The following OAT variants were observed in gnomAD, a reference collection of about 807,000 sequenced individuals.
OAT encodes ornithine aminotransferase, mitochondrial.
In OAT, 35 loss-of-function variants were observed where a neutral mutation model predicts 48.4. That is an observed-to-expected ratio of 0.72 (90% CI 0.55 to 0.96). The LOEUF is 0.96. Among genes scored for constraint, OAT ranks in the 40% least tolerant of loss-of-function variants. OAT has a pLI of 0.00. For synonymous variants in OAT, 182 were observed against 198.4 expected (o/e 0.92, Z 0.70); for missense variants, 438 against 537.9 (o/e 0.81, Z 1.84).
intron 4 of OAT, chr10:124,406,826 G>T: frequency 3.0e-6 from 1 of 329,784 alleles, no homozygotes; most frequent in Non-Finnish European, 4.3e-6. Flanking sequence ...AAAAAAGTTG[G>T]GAAATAGATC....
At chr10:124,403,995 CA>C in intron 5 of OAT, 75 bp from the exon 6 acceptor site, 1 of 1,553,236 alleles carries the variant, frequency 6.4e-7, no homozygotes. Flanking sequence ...ATATACCACA[CA>C]TATTTTACAT....
rs1173250186 is a variant in OAT, at chr10:124,397,457, T to C, written c.*485A>G. On this transcript the variant is annotated 3_prime_UTR_variant, in exon 10 of 10. Coordinates refer to ENST00000368845, the MANE Select transcript of OAT (RefSeq NM_000274.4). The stretch of plus-strand genomic sequence containing the variant: ...CATCCATAGAATACAACCCTGGTGT[T>C]GGCCAATATGAAGTTTACTTAATAT... The C allele has an allele frequency of 1.3e-5, 2 of 154,176 alleles. No individual in the cohort carries two copies. Among genetic ancestry groups the C allele is most frequent in the African/African-American group, 4.8e-5 (2 of 41,476 alleles). 9.6% of individuals were successfully genotyped at this position (154,176 alleles called of 1,614,324 possible). A position where few individuals can be genotyped will look rare whatever the true frequency, so the allele number is the denominator to read the frequency against.
chr10:124,415,418 CCT>C (rs1329326752), intron 1 of OAT, among the ~76,000 whole-genome samples: 2 of 152,098 alleles, frequency 1.3e-5, no homozygotes, highest in African/African-American at 4.8e-5. Context: ...GGCACACACC[CCT>C]GAGTCAGCTA....
rs121965057 is a variant in OAT, at chr10:124,402,930, G to C, written c.897C>G (p.Tyr299Ter). ...AGAGGGGGAACATGAAACTTACAGG[G>C]TATAAGCCCCCAGAAAGGGCCTTTC... ...LLGKALSGGL[Y>*]PVSAVLCDDD... The change falls in exon 7 of 10, where the codon TAC (tyrosine) becomes TAG (stop). Residue 299 changes from tyrosine (Y) to a stop codon, truncating the protein, a stop_gained. Transcript: ENST00000368845. LOFTEE classifies it high-confidence loss of function. The C allele has an allele frequency of 4.8e-5, 78 of 1,613,614 alleles. No individual in the cohort carries two copies. Among genetic ancestry groups the C allele is most frequent in the Non-Finnish European group, 6.5e-5 (77 of 1,179,954 alleles).
intron 6 of OAT, 101 bp downstream of exon 6, chr10:124,403,697 A>T: frequency 6.7e-7 from 1 of 1,498,860 alleles, no homozygotes. Flanking sequence ...CATTTATCCA[A>T]TCAGCAGAAT....
chr10:124,405,691 G>T lies in OAT; in HGVS notation c.521-128C>A, dbSNP rs75286822. 2.8e-4 allele frequency: 422 copies of T among 1,524,688 alleles called. 1 individual carries two copies. In the African/African-American group the frequency reaches 5.4e-3, roughly 20 times the overall value. The allele number at this position is 1,524,688 out of a possible 1,614,324, so 94.4% of individuals were successfully genotyped here. A position where few individuals can be genotyped will look rare whatever the true frequency, so the allele number is the denominator to read the frequency against. The stretch of plus-strand genomic sequence containing the variant: ...AAGGGCTTGCTTTAGTGCACCTTCG[G>T]TGGGCTTTCAATTGTTAAAACAAAG... On this transcript the variant is annotated intron_variant, in intron 4 of 9. Transcript: ENST00000368845.
chr10:124,406,225 T>A, intron 4 of OAT: 1 of 672,234 alleles, frequency 1.5e-6, no homozygotes, highest in Non-Finnish European at 1.8e-6. Flanking sequence ...GCACAGTGGC[T>A]CACTTATGTA....
intron 1 of OAT, among the ~76,000 whole-genome samples, chr10:124,417,159 G>A (rs984540591): frequency 1.3e-5 from 2 of 150,706 alleles, no homozygotes; most frequent in African/African-American, 4.9e-5. Flanking sequence ...TAAGACAGCT[G>A]CTTTGAGGGA....
intron 4 of OAT, among the ~76,000 whole-genome samples, 198 bp downstream of exon 4, chr10:124,408,344 T>TATATATATATA (rs1491272664): frequency 4.9e-5 from 4 of 81,868 alleles, no homozygotes; most frequent in East Asian, 4.8e-4. Flanking sequence ...TATATATATA[T>TATATATATATA]TTTTTTTTTT....
At chr10:124,409,441 T>C (rs1409279891) in intron 2 of OAT, among the ~76,000 whole-genome samples, 2 of 151,900 alleles carry the variant, frequency 1.3e-5, no homozygotes, top group Non-Finnish European at 2.9e-5. Flanking sequence ...TATGGTCCCG[T>C]TACAGAGGCT....
intron 8 of OAT, among the ~76,000 whole-genome samples, chr10:124,401,311 C>A (rs1438040793): frequency 3.9e-5 from 6 of 152,218 alleles, no homozygotes; most frequent in Admixed American, 3.9e-4. Context: ...TCCCCCCTCA[C>A]AAAGATCTGT....
intron 4 of OAT, chr10:124,406,162 G>C: frequency 1.0e-6 from 1 of 964,726 alleles, no homozygotes; most frequent in Non-Finnish European, 1.2e-6. Flanking sequence ...TAATAAAGGT[G>C]ACTGAGGATC....
At position 124,405,446 on chromosome 10, in the gene OAT, G is replaced by A. The variant is rs760896432; in HGVS notation, c.638C>T (p.Pro213Leu). The A allele has an allele frequency of 6.2e-7, 1 of 1,613,870 alleles. No individual in the cohort carries two copies. The highest frequency in any genetic ancestry group is 8.5e-7 in the Non-Finnish European group (1 of 1,179,802). The stretch of plus-strand genomic sequence containing the variant: ...ATGCTAGTGAAATACCTCCAGTGCG[G>A]GCAGATCATTATAGGGAATGATGTC... Reference protein sequence around the residue: ...GFDIIPYNDLPALERALQDPN... With the variant: ...GFDIIPYNDLLALERALQDPN... Residue 213 changes from proline (P) to leucine (L), a missense_variant, in exon 5 of 10, where the codon CCC becomes CTC. Pro to Leu is a moderately conservative substitution (Grantham distance 98). Coordinates refer to ENST00000368845, the MANE Select transcript of OAT (RefSeq NM_000274.4).
intron 8 of OAT, among the ~76,000 whole-genome samples, chr10:124,401,305 C>A (rs1951400921): frequency 6.6e-6 from 1 of 152,180 alleles, no homozygotes; most frequent in Admixed American, 6.5e-5. Flanking sequence ...GTTTCTTCCC[C>A]CCTCACAAAG....
chr10:124,404,434 A>AT (rs937392696), intron 5 of OAT, among the ~76,000 whole-genome samples: 53 of 150,262 alleles, frequency 3.5e-4, no homozygotes, highest in Admixed American at 2.2e-3. Flanking sequence ...CGCCCAGCTA[A>AT]TTTTTTTTTG....
intron 2 of OAT, among the ~76,000 whole-genome samples, chr10:124,411,105 A>G (rs1000833172): frequency 2.4e-5 from 3 of 123,302 alleles, no homozygotes; most frequent in Non-Finnish European, 3.2e-5. Context: ...CCACCATTGC[A>G]CTCCAGCCTG....
intron 8 of OAT, 69 bp downstream of exon 8, chr10:124,401,657 G>T: frequency 1.9e-6 from 2 of 1,035,016 alleles, no homozygotes; most frequent in South Asian, 1.3e-5. Context: ...TATACCAGTG[G>T]GCCCAAATTA....
chr10:124,413,978 A>T (rs559999875), intron 1 of OAT: 47 of 152,198 alleles, frequency 3.1e-4, no homozygotes, highest in African/African-American at 1.0e-3. Context: ...GCTATGAAAG[A>T]AACTAATAAT....
chr10:124,401,483 C>T (rs778462532), intron 8 of OAT, among the ~76,000 whole-genome samples: 2 of 152,162 alleles, frequency 1.3e-5, no homozygotes, highest in Non-Finnish European at 2.9e-5. Context: ...CAGCCAGGGC[C>T]GAAGAACTCA....
Sources: allele counts gnomAD v4.1 joint callset (sites outside exome capture counted in the v4.1 genomes callset), GRCh38; gene constraint gnomAD v4.1.1; transcripts MANE v1.5; gene names NCBI Gene and HGNC (gene_info 2026-07-23, HGNC 2026-07-21).